The following TMEM214 variants were observed in gnomAD, a reference collection of about 807,000 sequenced individuals.
The protein encoded by TMEM214 is transmembrane protein 214.
TMEM214 carries 71 observed loss-of-function variants against 89.8 expected under a neutral mutation model. That is an observed-to-expected ratio of 0.79 (90% confidence interval 0.65 to 0.96). TMEM214 has a LOEUF of 0.96. Among genes scored for constraint, TMEM214 ranks in the 40% least tolerant of loss-of-function variants. TMEM214 has a pLI of 0.00. For synonymous variants in TMEM214, 332 were observed against 349.5 expected, an observed-to-expected ratio of 0.95 and a Z score of 0.56; for missense variants, 754 against 843.4, an observed-to-expected ratio of 0.89 and a Z score of 1.31.
rs1176429946 is a variant in TMEM214 at position 27,037,574 on chromosome 2, C to T, written c.1024C>T (p.Leu342=). 5 of 1,614,188 alleles carry T rather than the reference C, an allele frequency of 3.1e-6. No homozygotes were observed. The highest frequency in any genetic ancestry group is 4.2e-6 in the Non-Finnish European group (5 of 1,180,032). Residue 342 remains leucine, a synonymous_variant, in exon 9 of 17, where the codon CTG becomes TTG. Transcript: ENST00000238788. ...CACCCCACCCAGCCTGCAGGAGCAG[C>T]TGTGTCAGCTCTACCCCCGACTGAA... ...NSLTPSLQEQ[L]CQLYPRLKVL... is the part of the protein sequence containing the mutation.
chr2:27,032,969 CGGACCGGAAAGCCGG>C lies in TMEM214; in HGVS notation c.-43_-29del. On this transcript the variant is annotated 5_prime_UTR_variant, in exon 1 of 17. Coordinates refer to ENST00000238788, the MANE Select transcript of TMEM214 (RefSeq NM_017727.5). ...GTGGCAGAGTGCGGCGCGCTCGCGC[CGGACCGGAAAGCCGG>C]GGAAGTGGCCGAGGAGGGAGGGCTG... 1.6e-6 allele frequency: 2 copies of C among 1,242,494 alleles called. No individual in the cohort carries two copies. The highest frequency in any genetic ancestry group is 6.3e-5 in the East Asian group (2 of 31,602). The allele number at this position is 1,242,494 out of a possible 1,614,324, so 77.0% of individuals were successfully genotyped here.
intron 2 of TMEM214, chr2:27,034,515 C>T: frequency 2.0e-6 from 1 of 499,720 alleles, no homozygotes; most frequent in South Asian, 2.5e-5. Flanking sequence ...CCAGGAACAC[C>T]AGGGAGGAGA....
chr2:27,034,129 A>T lies in TMEM214; in HGVS notation c.214A>T (p.Asn72Tyr), dbSNP rs753273546. 6.8e-6 allele frequency: 11 copies of T among 1,614,178 alleles called. No homozygotes were observed. Among genetic ancestry groups the T allele is most frequent in the Non-Finnish European group, 9.3e-6 (11 of 1,180,040 alleles). ...RGFENIMKRQ[N>Y]KEQVPPPAVE... is the part of the protein sequence containing the mutation. ...CTTTGAGAATATCATGAAGCGGCAG[A>T]ATAAGGAGCAGGTCCCACCCCCTGC... The change falls in exon 2 of 17, where the codon AAT (asparagine) becomes TAT (tyrosine). Residue 72 changes from asparagine to tyrosine, a missense_variant. Coordinates refer to ENST00000238788, the MANE Select transcript of TMEM214 (RefSeq NM_017727.5).
chr2:27,040,435 C>G lies in TMEM214; in HGVS notation c.1882C>G (p.Leu628Val), dbSNP rs749136611. The stretch of plus-strand genomic sequence containing the variant: ...TTTCCACCAGAATGTGCTGCTGCCA[C>G]TGTGGCACCTCTTGCTTGAGGCCCT... ...LLFHQNVLLP[L>V]WHLLLEALAW... is the part of the protein sequence containing the mutation. The change falls in exon 16 of 17, where the codon CTG becomes GTG. Residue 628 changes from leucine (L) to valine (V), a missense_variant. Coordinates refer to ENST00000238788, the MANE Select transcript of TMEM214 (RefSeq NM_017727.5). The G allele has an allele frequency of 6.2e-7, 1 of 1,614,246 alleles. No homozygotes were observed.
At position 27,040,064 on chromosome 2, in the gene TMEM214, C is replaced by T. The variant is rs1243876854; in HGVS notation, c.1657C>T (p.His553Tyr). 7 of 1,608,196 alleles carry T rather than the reference C, an allele frequency of 4.4e-6. No homozygotes were observed. Among genetic ancestry groups the T allele is most frequent in the Non-Finnish European group, 5.9e-6 (7 of 1,179,968 alleles). The change falls in exon 15 of 17, where the codon CAC becomes TAC. Residue 553 changes from histidine to tyrosine, a missense_variant. Transcript: ENST00000238788. The part of the protein sequence containing the change: ...LGETLPLWGS[H>Y]LLTVVRPSLQ... ...GGAGACACTGCCGCTCTGGGGCTCC[C>T]ACCTGCTCACCGTGGTGCGGCCCAG...
chr2:27,039,805 C>T lies in TMEM214; in HGVS notation c.1590C>T (p.Ala530=). ...GFLPASQQAC[A]KLYSYSLQGY... ...TACCTGCTAGCCAACAAGCGTGTGCCAAGCTCTACTCCTACAGTCTGCAAG... is the reference window on the plus strand; with the variant it reads ...TACCTGCTAGCCAACAAGCGTGTGCTAAGCTCTACTCCTACAGTCTGCAAG... The change falls in exon 14 of 17, where the codon GCC becomes GCT. Residue 530 remains alanine, a synonymous_variant. Transcript: ENST00000238788. 1 of 1,614,224 alleles carries T rather than the reference C, an allele frequency of 6.2e-7. No homozygotes were observed. The highest frequency in any genetic ancestry group is 8.5e-7 in the Non-Finnish European group (1 of 1,180,036).
intron 2 of TMEM214, among the ~76,000 whole-genome samples, 191 bp from the exon 3 acceptor site, chr2:27,034,944 T>G (rs558660974): frequency 2.0e-5 from 3 of 152,210 alleles, no homozygotes; most frequent in Non-Finnish European, 4.4e-5. Context: ...ATCAGCATTT[T>G]CAGCTGTCCT....
At chr2:27,036,949 C>CTA in intron 7 of TMEM214, 128 bp from the exon 8 acceptor site, 1 of 1,081,634 alleles carries the variant, frequency 9.2e-7, no homozygotes, top group South Asian at 1.3e-5. Context: ...GAAGAGGGAG[C>CTA]TATTAAGGGC....
intron 3 of TMEM214, 82 bp from the exon 4 acceptor site, chr2:27,035,512 C>T (rs1416756716): frequency 6.3e-7 from 1 of 1,576,492 alleles, no homozygotes; most frequent in African/African-American, 1.4e-5. Context: ...CCTCCACTCA[C>T]CATTCCCAGG....
rs1024504671 is a variant in TMEM214 at position 27,038,712 on chromosome 2, C to T, written c.1304C>T (p.Ser435Phe). ...WEQIPKKVQK[S>F]LQETIQSLKL... The stretch of plus-strand genomic sequence containing the variant: ...CTTTCTTGTCCATAGGTACAGAAGT[C>T]TTTGCAAGAAACCATTCAGTCCCTC... The change falls in exon 12 of 17, where the codon TCT (serine) becomes TTT (phenylalanine). Residue 435 changes from serine to phenylalanine, a missense_variant. Coordinates refer to ENST00000238788, the MANE Select transcript of TMEM214 (RefSeq NM_017727.5). The surrounding 1 kb of genome is among the most constrained non-coding windows in gnomAD (Gnocchi z 4.4). 2 of 1,613,970 alleles carry T rather than the reference C, an allele frequency of 1.2e-6. No homozygotes were observed.
In TMEM214 at chr2:27,038,661, G is replaced by T; in HGVS notation, c.1294-41G>T. 1 of 1,606,370 alleles carries T rather than the reference G, an allele frequency of 6.2e-7. No individual in the cohort carries two copies. Among genetic ancestry groups the T allele is most frequent in the Non-Finnish European group, 8.5e-7 (1 of 1,174,036 alleles). ...GCATGGAAAATGAAGCAGGATGGAA[G>T]CTCTGGATTCCCTCACAGGCCAGAC... On this transcript the variant is annotated intron_variant, in intron 11 of 16. Coordinates refer to ENST00000238788, the MANE Select transcript of TMEM214 (RefSeq NM_017727.5). The surrounding 1 kb of genome is among the most constrained non-coding windows in gnomAD (Gnocchi z 4.4).
chr2:27,039,787 T>C lies in TMEM214; in HGVS notation c.1572T>C (p.Ala524=). The change falls in exon 14 of 17, where the codon GCT becomes GCC. Residue 524 remains alanine, a synonymous_variant. Transcript: ENST00000238788. The stretch of plus-strand genomic sequence containing the variant: ...TTCGATCATCTGGCTTCTTACCTGC[T>C]AGCCAACAAGCGTGTGCCAAGCTCT... ...RLLRSSGFLP[A]SQQACAKLYS... 6.2e-7 allele frequency: 1 copy of C among 1,614,198 alleles called. No homozygotes were observed. The highest frequency in any genetic ancestry group is 8.5e-7 in the Non-Finnish European group (1 of 1,180,026).
intron 5 of TMEM214, 65 bp from the exon 6 acceptor site, chr2:27,036,422 G>T (rs1667561081): frequency 1.5e-6 from 2 of 1,353,626 alleles, no homozygotes; most frequent in African/African-American, 2.9e-5. Flanking sequence ...CTTCCCTCCT[G>T]GCTTTGGGGG....
intron 8 of TMEM214, 23 bp downstream of exon 8, chr2:27,037,201 C>A (rs1667605024): frequency 1.3e-6 from 2 of 1,560,502 alleles, no homozygotes; most frequent in African/African-American, 1.4e-5. Context: ...TGGGGCACAC[C>A]TGCTGAGAAG....
chr2:27,039,877 G>C, intron 14 of TMEM214, 40 bp downstream of exon 14: 2 of 1,579,376 alleles, frequency 1.3e-6, no homozygotes, highest in Non-Finnish European at 1.7e-6. Context: ...AGGCAGAAGA[G>C]AGAAGGCCTG....
At chr2:27,036,459 A>G in intron 5 of TMEM214, 28 bp from the exon 6 acceptor site, 1 of 1,589,462 alleles carries the variant, frequency 6.3e-7, no homozygotes. Flanking sequence ...GTCCTATCCC[A>G]ATCTGCCTTC....
Position 27,035,297 on chromosome 2 carries a change from C to T in TMEM214, c.502+12C>T. 1.9e-6 allele frequency: 3 copies of T among 1,614,186 alleles called. No homozygotes were observed. The highest frequency in any genetic ancestry group is 1.7e-4 in the Middle Eastern group (1 of 6,060). ...CCAGCATACTCATGGTAAGTCCTTC[C>T]AGCTTCCTCAAGCTCAGACAAGTTC... On this transcript the variant is annotated intron_variant, in intron 3 of 16. Coordinates refer to ENST00000238788, the MANE Select transcript of TMEM214 (RefSeq NM_017727.5).
rs375335073 is a variant in TMEM214, at chr2:27,039,148, A to G, written c.1509A>G (p.Ser503=). ...GCTTCCTGTGCCATGACCTCCGGTC[A>G]CACAGCTCCTTCCAGGGTAAGCAGC... The part of the protein sequence containing the change: ...AVGFLCHDLR[S]HSSFQASLTG... The change falls in exon 13 of 17, where the codon TCA becomes TCG. Residue 503 remains serine (S), a synonymous_variant. Transcript: ENST00000238788. 1.2e-5 allele frequency: 19 copies of G among 1,613,784 alleles called. No homozygotes were observed. The African/African-American group carries it at 2.3e-4, about 19-fold the overall frequency.
rs999626850 is a variant in TMEM214, at chr2:27,033,040, G to A, written c.25G>A (p.Gly9Arg). The A allele has an allele frequency of 1.3e-5, 16 of 1,247,160 alleles. No individual in the cohort carries two copies. The highest frequency in any genetic ancestry group is 1.6e-5 in the Non-Finnish European group (16 of 987,998). The allele number at this position is 1,247,160 out of a possible 1,614,324, so 77.3% of individuals were successfully genotyped here. MATKTAGV[G>R]RWEVVKKGRR... The stretch of plus-strand genomic sequence containing the variant: ...CATGGCGACCAAGACGGCGGGCGTG[G>A]GGCGGTGGGAGGTAGTGAAGAAGGG... The change falls in exon 1 of 17, where the codon GGG becomes AGG. Residue 9 changes from glycine (G) to arginine (R), a missense_variant. Gly to Arg is a moderately radical substitution (Grantham distance 125). Coordinates refer to ENST00000238788, the MANE Select transcript of TMEM214 (RefSeq NM_017727.5).
Sources: allele counts gnomAD v4.1 joint callset (sites outside exome capture counted in the v4.1 genomes callset), GRCh38; gene constraint gnomAD v4.1.1; non-coding constraint Gnocchi (gnomAD v3.1); transcripts MANE v1.5; gene names NCBI Gene and HGNC (gene_info 2026-07-23, HGNC 2026-07-21).